Variants in RTN1 observed in about 807,000 individuals in gnomAD.
RTN1 encodes reticulon 1.
Under a neutral mutation model 65.5 loss-of-function variants are expected in RTN1, and 25 were observed. The observed-to-expected ratio is 0.38, with a 90% CI of 0.28 to 0.53. RTN1 has a LOEUF of 0.53. Ranked by LOEUF, RTN1 falls within the 20% of genes least tolerant of loss-of-function variation. The pLI is 0.79. For synonymous variants in RTN1, 471 were observed against 447.6 expected (o/e 1.05, Z -0.66); for missense variants, 983 against 1,025.4 (o/e 0.96, Z 0.57).
intron 3 of RTN1, among the ~76,000 whole-genome samples, chr14:59,721,350 A>G (rs1427621574): frequency 1.3e-5 from 2 of 152,242 alleles, no homozygotes; most frequent in Non-Finnish European, 2.9e-5. Flanking sequence ...TAACAGAAAG[A>G]GATAGAAACA....
At chr14:59,820,908 T>G (rs1886932797) in intron 1 of RTN1, among the ~76,000 whole-genome samples, 1 of 152,258 alleles carries the variant, frequency 6.6e-6, no homozygotes, top group Admixed American at 6.5e-5. Flanking sequence ...TTTTGTTTAC[T>G]GTAGTCTTGT....
intron 3 of RTN1, among the ~76,000 whole-genome samples, chr14:59,645,465 T>C (rs1376553381): frequency 6.7e-6 from 1 of 150,098 alleles, no homozygotes; most frequent in Non-Finnish European, 1.5e-5. Context: ...GTTACATGAG[T>C]CCCTGTTCCC....
At chr14:59,621,205 C>A (rs1882245638) in intron 3 of RTN1, among the ~76,000 whole-genome samples, 1 of 152,126 alleles carries the variant, frequency 6.6e-6, no homozygotes, top group African/African-American at 2.4e-5. Flanking sequence ...ATATAAGTAA[C>A]CCTGTTACTG....
chr14:59,655,514 A>C (rs548821912), intron 3 of RTN1, among the ~76,000 whole-genome samples: 3 of 152,354 alleles, frequency 2.0e-5, no homozygotes, highest in Admixed American at 1.3e-4. Flanking sequence ...AGAATAAACA[A>C]AATAATCTTG....
intron 1 of RTN1, among the ~76,000 whole-genome samples, chr14:59,775,380 G>T (rs1191661546): frequency 1.3e-5 from 2 of 151,990 alleles, no homozygotes. Context: ...ATACATTTTT[G>T]ACCTTTTTTT....
chr14:59,622,152 A>G (rs1882271829), intron 3 of RTN1, among the ~76,000 whole-genome samples: 1 of 152,172 alleles, frequency 6.6e-6, no homozygotes, highest in Non-Finnish European at 1.5e-5. Context: ...CCTGGCCAAC[A>G]TGGTGAAACC....
At chr14:59,635,807 T>C (rs1430607462) in intron 3 of RTN1, among the ~76,000 whole-genome samples, 1 of 152,216 alleles carries the variant, frequency 6.6e-6, no homozygotes. Flanking sequence ...CTTAACATCG[T>C]TGATAGGTTC....
At chr14:59,854,111 C>T (rs957508894) in intron 1 of RTN1, among the ~76,000 whole-genome samples, 1 of 151,868 alleles carries the variant, frequency 6.6e-6, no homozygotes, top group Non-Finnish European at 1.5e-5. Flanking sequence ...CCGCCCACCT[C>T]GGCCTCCCAA....
chr14:59,782,230 A>G (rs187858152), intron 1 of RTN1, among the ~76,000 whole-genome samples: 1 of 152,270 alleles, frequency 6.6e-6, no homozygotes, highest in East Asian at 1.9e-4. Context: ...AGTTTATGGT[A>G]TTTTGTTACA....
At chr14:59,600,272 A>G (rs1172818011) in intron 8 of RTN1, among the ~76,000 whole-genome samples, 1 of 152,160 alleles carries the variant, frequency 6.6e-6, no homozygotes, top group African/African-American at 2.4e-5. Flanking sequence ...GATGATGATG[A>G]TGATGATGAC....
chr14:59,607,339 A>G lies in RTN1; in HGVS notation c.1919T>C (p.Ile640Thr), dbSNP rs1881790201. 6.2e-7 allele frequency: 1 copy of G among 1,614,140 alleles called. No homozygotes were observed. Among genetic ancestry groups the G allele is most frequent in the Non-Finnish European group, 8.5e-7 (1 of 1,180,032 alleles). The change falls in exon 4 of 9, where the codon ATC (isoleucine) becomes ACC (threonine). Residue 640 changes from isoleucine to threonine, a missense_variant. Transcript: ENST00000267484. ...CACTGCTTGTAAAACAGACTTGTAG[A>G]TGCGGAAACTGATGGTGGCTGAGAG... ...AALSATISFR[I>T]YKSVLQAVQK... is the part of the protein sequence containing the mutation.
chr14:59,807,363 C>T (rs1886657567), intron 1 of RTN1, among the ~76,000 whole-genome samples: 1 of 152,184 alleles, frequency 6.6e-6, no homozygotes, highest in Non-Finnish European at 1.5e-5. Flanking sequence ...TGAAAATCCA[C>T]TAGAGATGTA....
At chr14:59,855,483 T>C (rs1383130993) in intron 1 of RTN1, among the ~76,000 whole-genome samples, 1 of 152,210 alleles carries the variant, frequency 6.6e-6, no homozygotes, top group African/African-American at 2.4e-5. Context: ...CTCTATTTTA[T>C]TATTTATTTC....
intron 1 of RTN1, among the ~76,000 whole-genome samples, chr14:59,862,097 C>G (rs958234382): frequency 1.3e-5 from 2 of 152,184 alleles, no homozygotes; most frequent in African/African-American, 4.8e-5. Context: ...ACAAAATTCC[C>G]AACCCCCACC....
At chr14:59,597,546 G>T (rs1881441298) in intron 8 of RTN1, among the ~76,000 whole-genome samples, 1 of 152,234 alleles carries the variant, frequency 6.6e-6, no homozygotes, top group Admixed American at 6.5e-5. Context: ...ACCCTTCCAT[G>T]TACTGGAATT....
At chr14:59,827,439 T>C (rs979592444) in intron 1 of RTN1, among the ~76,000 whole-genome samples, 4 of 152,156 alleles carry the variant, frequency 2.6e-5, no homozygotes, top group Admixed American at 1.3e-4. Flanking sequence ...CTCACTGGGT[T>C]TGCCCTCCTG....
chr14:59,598,206 G>C (rs1043175253), intron 8 of RTN1, among the ~76,000 whole-genome samples: 2 of 152,168 alleles, frequency 1.3e-5, no homozygotes, highest in African/African-American at 4.8e-5. Flanking sequence ...AACAGTCTCA[G>C]GGTTAGTTTA....
chr14:59,809,660 T>C (rs1886694114), intron 1 of RTN1, among the ~76,000 whole-genome samples: 1 of 152,208 alleles, frequency 6.6e-6, no homozygotes, highest in Non-Finnish European at 1.5e-5. Context: ...ATGTATCCAT[T>C]GGACAGGAAA....
At chr14:59,820,667 C>T (rs1886927736) in intron 1 of RTN1, among the ~76,000 whole-genome samples, 1 of 152,092 alleles carries the variant, frequency 6.6e-6, no homozygotes, top group South Asian at 2.1e-4. Context: ...GAGTGCTTTC[C>T]CCATTGCATG....
Sources: allele counts gnomAD v4.1 joint callset (sites outside exome capture counted in the v4.1 genomes callset), GRCh38; gene constraint gnomAD v4.1.1; transcripts MANE v1.5; gene names NCBI Gene and HGNC (gene_info 2026-07-23, HGNC 2026-07-21).